Variants in PNPLA7 observed in about 807,000 individuals in gnomAD.
PNPLA7 encodes patatin-like phospholipase domain-containing protein 7.
A neutral mutation model predicts 161.7 loss-of-function variants in PNPLA7; 153 were observed. The observed-to-expected ratio is 0.95, with a 90% CI of 0.83 to 1.08. PNPLA7 has a LOEUF of 1.08. PNPLA7 is among the 50% of genes least tolerant of loss of function. The probability of loss-of-function intolerance (pLI) is 0.00; values close to 1 mark genes in which losing one functional copy is unlikely to be tolerated. For missense variants in PNPLA7, 1,739 were observed against 1,856.6 expected (o/e 0.94, Z 1.16); for synonymous variants, 809 against 782.1 (o/e 1.03, Z -0.57).
rs759253708 is a variant in PNPLA7, at chr9:137,505,677, G to A, written c.1410C>T (p.Ser470=). 4.3e-6 allele frequency: 7 copies of A among 1,614,132 alleles called. No homozygotes were observed. The highest frequency in any genetic ancestry group is 5.9e-6 in the Non-Finnish European group (7 of 1,180,036). ...SESHTDETLA[S]RKSDAIFRAA... ...CTCTGAAGATGGCATCCGACTTCCT[G>A]CTGGCCAGGGTCTCATCCGTGTGAC... Residue 470 remains serine, a synonymous_variant, in exon 14 of 35, where the codon AGC becomes AGT. Transcript: ENST00000406427.
Position 137,540,759 on chromosome 9 carries a change from G to T in PNPLA7, c.667-37C>A. ...GAGCAGAGTGGGTGCCGTCAGGTCT[G>T]GGGCTGCGACCGCGGGGCCTGGCGG... On this transcript the variant is annotated intron_variant, in intron 7 of 34. Transcript: ENST00000406427. This position sits in a 1 kb window ranked among gnomAD's most constrained non-coding sequence, Gnocchi z 5.1. The T allele has an allele frequency of 1.3e-6, 2 of 1,582,056 alleles. No homozygotes were observed. Among genetic ancestry groups the T allele is most frequent in the Non-Finnish European group, 8.6e-7 (1 of 1,162,318 alleles).
At chr9:137,504,136 G>C (rs1022598370) in intron 14 of PNPLA7, among the ~76,000 whole-genome samples, 2 of 147,958 alleles carry the variant, frequency 1.4e-5, no homozygotes, top group East Asian at 4.0e-4. Flanking sequence ...AAAGGAAGAA[G>C]AAAAAAGAAA....
chr9:137,545,786 T>C lies in PNPLA7; in HGVS notation c.273+1044A>G, dbSNP rs185222733. Among the ~76,000 whole-genome samples, 894 of 152,314 alleles carry C rather than the reference T, an allele frequency of 5.9e-3. 5 individuals carry two copies. Among genetic ancestry groups the C allele is most frequent in the South Asian group, 7.7e-3 (37 of 4,832 alleles). On this transcript the variant is annotated intron_variant, in intron 4 of 34. Transcript: ENST00000406427. ...AGACAAGAGTGCGAGCCTTCTGTTA[T>C]GCCCGGACAGGGCCACCAGAGGGCT...
chr9:137,467,319 C>G lies in PNPLA7; in HGVS notation c.3037G>C (p.Glu1013Gln), dbSNP rs140172154. The G allele has an allele frequency of 1.2e-6, 2 of 1,612,124 alleles. No homozygotes were observed. The highest frequency in any genetic ancestry group is 2.7e-5 in the African/African-American group (2 of 74,928). ...QMRIRAKQWA[E>Q]GMTSLMKAAL... ...GAGGGTGATGGGTGCCTGCTTACCT[C>G]GGCCCACTGCTTGGCCCGGATCCGC... The change falls in exon 26 of 35, where the codon GAG (glutamate) becomes CAG (glutamine). Residue 1013 changes from glutamate to glutamine, a missense_variant and splice_region_variant. Glu to Gln is a conservative substitution (Grantham distance 29). Coordinates refer to ENST00000406427, the MANE Select transcript of PNPLA7 (RefSeq NM_001098537.3). This position sits in a 1 kb window ranked among gnomAD's most constrained non-coding sequence, Gnocchi z 5.1.
At chr9:137,522,707 G>T (rs768797343) in intron 9 of PNPLA7, 22 bp downstream of exon 9, 2 of 1,612,640 alleles carry the variant, frequency 1.2e-6, no homozygotes, top group South Asian at 2.2e-5. Context: ...AGCTAGAAGA[G>T]TTGTCTGAAA....
intron 18 of PNPLA7, 61 bp from the exon 19 acceptor site, chr9:137,495,207 G>A: frequency 8.1e-7 from 1 of 1,235,026 alleles, no homozygotes; most frequent in Admixed American, 2.0e-5. Context: ...AGCTGGACCT[G>A]TCCCTGACAG....
rs761508142 is a variant in PNPLA7, at chr9:137,495,057, C to T, written c.2103G>A (p.Thr701=). The part of the protein sequence containing the change: ...ELAKLPAGAL[T]SIKRRYPQVV... ...CCTGTGGGTACCTGCGCTTGATGGA[C>T]GTGAGGGCTCCTGCCGGCAGCTTGG... The change falls in exon 19 of 35, where the codon ACG becomes ACA. Residue 701 remains threonine, a synonymous_variant. Coordinates refer to ENST00000406427, the MANE Select transcript of PNPLA7 (RefSeq NM_001098537.3). 12 of 1,610,578 alleles carry T rather than the reference C, an allele frequency of 7.5e-6. No individual in the cohort carries two copies. The East Asian group carries it at 1.1e-4, about 15-fold the overall frequency.
chr9:137,524,611 G>A lies in PNPLA7; in HGVS notation c.748-1754C>T, dbSNP rs1031835243. ...GGGACTTGTAGGTTGTACGGAACAC[G>A]TATCCTCACATTTATAAGAAACTAC... On this transcript the variant is annotated intron_variant, in intron 8 of 34. Transcript: ENST00000406427. This position sits in a 1 kb window ranked among gnomAD's most constrained non-coding sequence, Gnocchi z 4.4. 2.0e-5 allele frequency among the ~76,000 whole-genome samples: 3 copies of A among 152,236 alleles called. No individual in the cohort carries two copies. The highest frequency in any genetic ancestry group is 1.5e-5 in the Non-Finnish European group (1 of 68,046).
At chr9:137,480,613 C>T (rs905897125) in intron 22 of PNPLA7, 133 bp from the exon 23 acceptor site, 1 of 1,042,502 alleles carries the variant, frequency 9.6e-7, no homozygotes. Flanking sequence ...GCACTTCCTG[C>T]CATCGCTAGT....
intron 21 of PNPLA7, 57 bp from the exon 22 acceptor site, chr9:137,481,080 A>G (rs1832196194): frequency 1.3e-6 from 2 of 1,526,698 alleles, no homozygotes; most frequent in African/African-American, 1.4e-5. Context: ...TCCAACGCCA[A>G]CAAGGCACCG....
At position 137,492,121 on chromosome 9, in the gene PNPLA7, A is replaced by C. The variant is rs1038062620; in HGVS notation, c.2197+892T>G. 6.1e-6 allele frequency: 6 copies of C among 985,214 alleles called. No individual in the cohort carries two copies. The Admixed American group carries it at 1.8e-4, about 30-fold the overall frequency. 61.0% of individuals were successfully genotyped at this position (985,214 alleles called of 1,614,324 possible). A position where few individuals can be genotyped will look rare whatever the true frequency, so the allele number is the denominator to read the frequency against. The stretch of plus-strand genomic sequence containing the variant: ...TTGAGTATGTGGGACCTGGTGAGAG[A>C]GGACAGCCTGAGAGCTAACAGTGGC... On this transcript the variant is annotated intron_variant, in intron 20 of 34. Coordinates refer to ENST00000406427, the MANE Select transcript of PNPLA7 (RefSeq NM_001098537.3).
chr9:137,460,520 G>A (rs1588518655), intron 34 of PNPLA7, 44 bp from the exon 35 acceptor site: 1 of 1,605,068 alleles, frequency 6.2e-7, no homozygotes, highest in Non-Finnish European at 8.5e-7. Context: ...AGGCAGGGCA[G>A]GGGCTCTGCA....
intron 20 of PNPLA7, 125 bp from the exon 21 acceptor site, chr9:137,484,861 C>T (rs1411695457): frequency 1.3e-5 from 15 of 1,198,546 alleles, no homozygotes; most frequent in African/African-American, 1.5e-5. Context: ...CCTGGCCCTC[C>T]CGCCTCCCCA....
chr9:137,502,818 T>G (rs982110665), intron 14 of PNPLA7, among the ~76,000 whole-genome samples: 4 of 124,780 alleles, frequency 3.2e-5, no homozygotes, highest in South Asian at 5.8e-4. Context: ...CTGAAGTCAT[T>G]TGGCCATTTT....
At chr9:137,545,970 C>T (rs191896352) in intron 4 of PNPLA7, among the ~76,000 whole-genome samples, 162 of 152,204 alleles carry the variant, frequency 1.1e-3, no homozygotes, top group African/African-American at 3.2e-3. Context: ...TGACTCTACC[C>T]CTCCACCTCC....
chr9:137,463,034 G>A (rs568765228), intron 29 of PNPLA7: 21 of 735,122 alleles, frequency 2.9e-5, no homozygotes, highest in Admixed American at 5.9e-5. Context: ...CTTTCTGACC[G>A]TATATCCCAC....
chr9:137,479,216 G>A lies in PNPLA7; in HGVS notation c.2603C>T (p.Thr868Ile), dbSNP rs561466564. ...VGELERMLES[T>I]AVRAQKQLIL... is the part of the protein sequence containing the mutation. ...CAGCTGCTTCTGGGCACGCACAGCT[G>A]TGCTCTCCAGCATCCGCTCCAGCTG... Residue 868 changes from threonine to isoleucine, a missense_variant, in exon 24 of 35, where the codon ACA becomes ATA. Coordinates refer to ENST00000406427, the MANE Select transcript of PNPLA7 (RefSeq NM_001098537.3). 1.2e-5 allele frequency: 18 copies of A among 1,548,206 alleles called. No individual in the cohort carries two copies. In the East Asian group the frequency reaches 2.2e-4, roughly 19 times the overall value.
chr9:137,462,533 C>T lies in PNPLA7; in HGVS notation c.3492+152G>A, dbSNP rs552663296. ...CGTCCGGCCTCGTGCCTTCCTTCGCCCGAGTTGGGCTCAGGCAGGGGTGGT... is the reference window on the plus strand; with the variant it reads ...CGTCCGGCCTCGTGCCTTCCTTCGCTCGAGTTGGGCTCAGGCAGGGGTGGT... On this transcript the variant is annotated intron_variant, in intron 30 of 34. Transcript: ENST00000406427. The T allele has an allele frequency of 4.4e-5, 62 of 1,398,076 alleles. No individual in the cohort carries two copies. In the African/African-American group the frequency reaches 8.1e-4, roughly 18 times the overall value. The allele number at this position is 1,398,076 out of a possible 1,614,324, so 86.6% of individuals were successfully genotyped here. A position where few individuals can be genotyped will look rare whatever the true frequency, so the allele number is the denominator to read the frequency against.
At chr9:137,489,933 A>G (rs1413242456) in intron 20 of PNPLA7, among the ~76,000 whole-genome samples, 1 of 152,252 alleles carries the variant, frequency 6.6e-6, no homozygotes, top group Non-Finnish European at 1.5e-5. Context: ...CGAGTGGAAG[A>G]ATCGTTTGAA....
Sources: allele counts gnomAD v4.1 joint callset (sites outside exome capture counted in the v4.1 genomes callset), GRCh38; gene constraint gnomAD v4.1.1; non-coding constraint Gnocchi (gnomAD v3.1); transcripts MANE v1.5; gene names NCBI Gene and HGNC (gene_info 2026-07-23, HGNC 2026-07-21).